The following TUBGCP5 variants were observed in gnomAD, a reference collection of about 807,000 sequenced individuals.
TUBGCP5 encodes the protein gamma-tubulin complex component 5.
In TUBGCP5, 98 loss-of-function variants were observed where a neutral mutation model predicts 134.7. The ratio of observed to expected loss-of-function variants is 0.73; its 90% CI spans 0.62 to 0.86. The LOEUF (loss-of-function observed/expected upper bound fraction) is 0.86, where lower values mean the gene tolerates loss of function less well. Ranked by LOEUF, TUBGCP5 falls within the 40% of genes least tolerant of loss-of-function variation. The pLI, the probability that TUBGCP5 is intolerant of heterozygous loss-of-function variation, is 0.00. For missense variants in TUBGCP5, 1,150 were observed against 1,244.8 expected (o/e 0.92, Z 1.15); for synonymous variants, 456 against 431.4 (o/e 1.06, Z -0.71).
intron 10 of TUBGCP5, among the ~76,000 whole-genome samples, chr15:23,022,905 T>C (rs1316671820): frequency 6.6e-6 from 1 of 152,156 alleles, no homozygotes; most frequent in African/African-American, 2.4e-5. Flanking sequence ...GTCATACTGG[T>C]GAAGACCAAA....
chr15:23,008,737 T>A lies in TUBGCP5; in HGVS notation c.2289A>T (p.Gln763His). Residue 763 changes from glutamine (Q) to histidine (H), a missense_variant, in exon 16 of 23, where the codon CAA becomes CAT. This residue lies in a region of TUBGCP5 where 697 missense variants were observed against 850.1 expected (regional missense o/e 0.82). Coordinates refer to ENST00000615383, the MANE Select transcript of TUBGCP5 (RefSeq NM_052903.6). ...CAGGATAACGCTGTCCTACTGCTTC[T>A]TGGAGTTGGACATTAAGAAAAGACA... ...QNVSFLNVQLQEAVGQRYPED... is the reference protein window; with the variant it reads ...QNVSFLNVQLHEAVGQRYPED... The A allele has an allele frequency of 6.2e-7, 1 of 1,607,392 alleles. No individual in the cohort carries two copies. The highest frequency in any genetic ancestry group is 8.5e-7 in the Non-Finnish European group (1 of 1,178,620).
chr15:23,035,962 T>A (rs541822390), intron 3 of TUBGCP5, among the ~76,000 whole-genome samples: 1 of 152,134 alleles, frequency 6.6e-6, no homozygotes, highest in African/African-American at 2.4e-5. Flanking sequence ...CTATAAAGAA[T>A]TGAAATACAT....
intron 13 of TUBGCP5, among the ~76,000 whole-genome samples, chr15:23,014,170 T>A (rs2065190544): frequency 6.6e-6 from 1 of 152,300 alleles, no homozygotes; most frequent in South Asian, 2.1e-4. Context: ...GGTGAAGCAG[T>A]TACAGACCTT....
chr15:23,022,809 C>A (rs1407671592), intron 10 of TUBGCP5, among the ~76,000 whole-genome samples: 1 of 152,184 alleles, frequency 6.6e-6, no homozygotes, highest in Non-Finnish European at 1.5e-5. Flanking sequence ...GTCATGGGAA[C>A]ACAGGGCCTC....
intron 12 of TUBGCP5, 31 bp downstream of exon 12, chr15:23,019,188 C>G (rs752814793): frequency 2.7e-6 from 4 of 1,496,280 alleles, no homozygotes; most frequent in Admixed American, 1.7e-5. Flanking sequence ...GATGCCAGCC[C>G]CCAGTGACCT....
Position 23,005,422 on chromosome 15 carries a change from A to T in TUBGCP5, c.2712+10T>A. 1.2e-6 allele frequency: 2 copies of T among 1,613,124 alleles called. No individual in the cohort carries two copies. The highest frequency in any genetic ancestry group is 1.7e-6 in the Non-Finnish European group (2 of 1,179,358). ...ACGATAGAACTGAAGCAGATGGGAG[A>T]GGCACAAACCCTGGTCATGATGTAG... On this transcript the variant is annotated intron_variant, in intron 19 of 22. Transcript: ENST00000615383.
rs1371430453 is a variant in TUBGCP5, at chr15:23,004,181, G to A, written c.2759C>T (p.Ala920Val). 6.2e-7 allele frequency: 1 copy of A among 1,613,100 alleles called. No individual in the cohort carries two copies. The highest frequency in any genetic ancestry group is 1.3e-5 in the African/African-American group (1 of 74,842). The change falls in exon 20 of 23, where the codon GCC (alanine) becomes GTC (valine). Residue 920 changes from alanine to valine, a missense_variant. Transcript: ENST00000615383. Reference protein sequence around the residue: ...GLEFQHQVEEAKDLDQLIKIH... With the variant: ...GLEFQHQVEEVKDLDQLIKIH... ...TTTAATCAATTGATCTAAATCCTTG[G>A]CTTCCTCGACTTGATGTTGAAACTC...
intron 3 of TUBGCP5, among the ~76,000 whole-genome samples, chr15:23,036,190 G>A (rs1260597605): frequency 5.3e-5 from 8 of 152,142 alleles, no homozygotes; most frequent in Non-Finnish European, 1.0e-4. Context: ...CAGCCATGTG[G>A]GCTCTGCTTG....
At chr15:23,034,119 C>A (rs2066458308) in intron 3 of TUBGCP5, among the ~76,000 whole-genome samples, 1 of 152,196 alleles carries the variant, frequency 6.6e-6, no homozygotes, top group Admixed American at 6.5e-5. Flanking sequence ...TTGTACTAGT[C>A]TGTTTAGATA....
Position 23,032,073 on chromosome 15 carries a change from CTT to C in TUBGCP5, c.407-46_407-45del, listed in dbSNP as rs748748916. The stretch of plus-strand genomic sequence containing the variant: ...ACTTCATTGGCTTTATTATATCTAT[CTT>C]TGAAAAAAAACCTCAAAACTAAGGA... On this transcript the variant is annotated intron_variant, in intron 4 of 22. Coordinates refer to ENST00000615383, the MANE Select transcript of TUBGCP5 (RefSeq NM_052903.6). 4 of 1,474,528 alleles carry C rather than the reference CTT, an allele frequency of 2.7e-6. No homozygotes were observed. The South Asian group carries it at 4.9e-5, about 18-fold the overall frequency. 91.3% of individuals were successfully genotyped at this position (1,474,528 alleles called of 1,614,324 possible).
chr15:23,025,360 T>C (rs1443422156), intron 8 of TUBGCP5, among the ~76,000 whole-genome samples: 4 of 152,324 alleles, frequency 2.6e-5, no homozygotes, highest in East Asian at 1.9e-4. Context: ...ATCTCCCCTA[T>C]ATACTTGACG....
chr15:22,993,708 C>T (rs988086564), intron 23 of TUBGCP5, among the ~76,000 whole-genome samples: 1 of 151,622 alleles, frequency 6.6e-6, no homozygotes, highest in Non-Finnish European at 1.5e-5. Flanking sequence ...CCATGCCCAG[C>T]TAGTTCTTGT....
At chr15:22,989,285 AG>A (rs1488696252) in intron 23 of TUBGCP5, among the ~76,000 whole-genome samples, 2 of 152,210 alleles carry the variant, frequency 1.3e-5, no homozygotes, top group African/African-American at 4.8e-5. Flanking sequence ...GCTCTGCCTC[AG>A]TGTCCTCTAA....
At chr15:22,989,593 G>A (rs747171199) in intron 23 of TUBGCP5, among the ~76,000 whole-genome samples, 8 of 152,082 alleles carry the variant, frequency 5.3e-5, no homozygotes, top group Non-Finnish European at 7.3e-5. Flanking sequence ...GTCCAGGTTG[G>A]CCTTGAACTC....
intron 1 of TUBGCP5, among the ~76,000 whole-genome samples, chr15:23,037,472 G>A (rs1430816505): frequency 6.6e-6 from 1 of 152,058 alleles, no homozygotes; most frequent in East Asian, 1.9e-4. Flanking sequence ...ACCTTTTTAT[G>A]CCATAGTGAG....
chr15:23,033,861 G>C lies in TUBGCP5; in HGVS notation c.310-1037C>G, dbSNP rs551480361. 2.6e-5 allele frequency among the ~76,000 whole-genome samples: 4 copies of C among 151,978 alleles called. No individual in the cohort carries two copies. In the South Asian group the frequency reaches 8.3e-4, roughly 32 times the overall value. On this transcript the variant is annotated intron_variant, in intron 3 of 22. Coordinates refer to ENST00000615383, the MANE Select transcript of TUBGCP5 (RefSeq NM_052903.6). ...TAAAATTACTGATTTTCCTTTATTG[G>C]GTATTACTCTCCTCTGTTCAAGTTT...
At chr15:23,016,969 G>GATATGTATGTAT (rs1555439436) in intron 13 of TUBGCP5, among the ~76,000 whole-genome samples, 1 of 109,396 alleles carries the variant, frequency 9.1e-6, no homozygotes, top group African/African-American at 3.6e-5. Context: ...AAAATTGTGA[G>GATATGTATGTAT]ATATATATAT....
intron 16 of TUBGCP5, among the ~76,000 whole-genome samples, chr15:23,007,803 C>T (rs1340842859): frequency 6.6e-6 from 1 of 152,106 alleles, no homozygotes; most frequent in Non-Finnish European, 1.5e-5. Context: ...TAGGAGGCAC[C>T]CACGGGGAGC....
intron 20 of TUBGCP5, among the ~76,000 whole-genome samples, chr15:23,003,638 T>G (rs934587560): frequency 3.2e-5 from 3 of 93,526 alleles, no homozygotes; most frequent in Non-Finnish European, 6.5e-5. Flanking sequence ...TTCTGTTTTT[T>G]TTTTTTTTTT....
Sources: allele counts gnomAD v4.1 joint callset (sites outside exome capture counted in the v4.1 genomes callset), GRCh38; gene constraint gnomAD v4.1.1; regional missense constraint gnomAD v4.1.1; transcripts MANE v1.5; gene names NCBI Gene and HGNC (gene_info 2026-07-23, HGNC 2026-07-21).